PRMT8: variants seen among roughly 807,000 people sequenced by gnomAD.
The protein encoded by PRMT8 is protein arginine methyltransferase 8, also known as protein arginine N-methyltransferase 8.
PRMT8 carries 7 observed loss-of-function variants against 47.1 expected under a neutral mutation model. The observed-to-expected ratio is 0.15, with a 90% CI of 0.08 to 0.28. The LOEUF is 0.28. PRMT8 is among the 10% of genes least tolerant of loss of function. PRMT8 has a pLI of 1.00. For missense variants in PRMT8, 237 were observed against 505.4 expected, an observed-to-expected ratio of 0.47 and a Z score of 5.09; for synonymous variants, 188 against 186.5, an observed-to-expected ratio of 1.01 and a Z score of -0.07.
At chr12:3,434,171 AG>A (rs1864712616) in intron 1 of PRMT8, among the ~76,000 whole-genome samples, 1 of 152,158 alleles carries the variant, frequency 6.6e-6, no homozygotes, top group Non-Finnish European at 1.5e-5. Context: ...TTAACAAGAA[AG>A]CACCACCATT....
At chr12:3,556,966 A>C (rs1591600907) in intron 4 of PRMT8, among the ~76,000 whole-genome samples, 1 of 151,948 alleles carries the variant, frequency 6.6e-6, no homozygotes, top group African/African-American at 2.4e-5. Context: ...GAAGTGGGGG[A>C]AAGTGGGGAG....
At chr12:3,521,599 G>A (rs1327791475) in intron 1 of PRMT8, among the ~76,000 whole-genome samples, 4 of 152,038 alleles carry the variant, frequency 2.6e-5, no homozygotes, top group Non-Finnish European at 5.9e-5. Flanking sequence ...CAAGAATTAC[G>A]GGTGTACGGG....
At chr12:3,398,093 T>G (rs1864279280) in intron 1 of PRMT8, among the ~76,000 whole-genome samples, 1 of 152,156 alleles carries the variant, frequency 6.6e-6, no homozygotes, top group African/African-American at 2.4e-5. Context: ...CCCACTGACC[T>G]GCGCCCACTG....
chr12:3,469,378 GGGGCAGGAGC>G, intron 1 of PRMT8: 1 of 275,276 alleles, frequency 3.6e-6, no homozygotes, highest in Admixed American at 4.7e-5. Context: ...GAAATGCTTA[GGGGCAGGAGC>G]AAAAAGAGCT....
chr12:3,465,945 T>C (rs1479998339), intron 1 of PRMT8, among the ~76,000 whole-genome samples: 2 of 152,132 alleles, frequency 1.3e-5, no homozygotes, highest in African/African-American at 4.8e-5. Context: ...CTACCTAAAA[T>C]GCCCAGAGAG....
intron 5 of PRMT8, 76 bp downstream of exon 5, chr12:3,568,924 A>G: frequency 1.3e-6 from 2 of 1,577,214 alleles, no homozygotes; most frequent in African/African-American, 1.3e-5. Flanking sequence ...GCAGCCTAGG[A>G]GGCATACGAA....
intron 1 of PRMT8, among the ~76,000 whole-genome samples, chr12:3,525,370 C>T (rs530223411): frequency 2.6e-5 from 4 of 152,064 alleles, no homozygotes; most frequent in Admixed American, 1.3e-4. Flanking sequence ...AGTTGCAGGG[C>T]CTTGTGGGTA....
At chr12:3,414,994 T>C (rs1864469957) in intron 1 of PRMT8, among the ~76,000 whole-genome samples, 1 of 152,068 alleles carries the variant, frequency 6.6e-6, no homozygotes, top group African/African-American at 2.4e-5. Context: ...AGTTCCAGGC[T>C]TAAGGGTGGG....
intron 1 of PRMT8, among the ~76,000 whole-genome samples, chr12:3,396,049 G>A (rs946275331): frequency 4.6e-5 from 7 of 151,798 alleles, no homozygotes; most frequent in East Asian, 1.9e-4. Flanking sequence ...GCCTTTTTTC[G>A]TTTTCCATTT....
At chr12:3,531,175 G>A (rs1320272436) in intron 1 of PRMT8, among the ~76,000 whole-genome samples, 1 of 152,154 alleles carries the variant, frequency 6.6e-6, no homozygotes, top group African/African-American at 2.4e-5. Context: ...CAAGGTGAGG[G>A]TAAGAGAGGA....
chr12:3,442,289 T>C (rs1489946123), intron 1 of PRMT8, among the ~76,000 whole-genome samples: 1 of 152,198 alleles, frequency 6.6e-6, no homozygotes, highest in Non-Finnish European at 1.5e-5. Context: ...CTGTTATTTT[T>C]TCTTTTGAAC....
chr12:3,450,889 T>TA (rs1303138159), intron 1 of PRMT8, among the ~76,000 whole-genome samples: 1 of 152,246 alleles, frequency 6.6e-6, no homozygotes, highest in Non-Finnish European at 1.5e-5. Flanking sequence ...CTATGATGAC[T>TA]AGAAACACAA....
rs190035726 is a variant in PRMT8 at position 3,478,962 on chromosome 12, T to C, written c.49-61644T>C. Among the ~76,000 whole-genome samples the C allele has an allele frequency of 7.9e-5, 12 of 152,344 alleles. No homozygotes were observed. In the East Asian group the frequency reaches 2.3e-3, roughly 29 times the overall value. On this transcript the variant is annotated intron_variant, in intron 1 of 9. Coordinates refer to the PRMT8 transcript ENST00000452611. ...AGTTGCTGTTGGAGGCTGTACGTGC[T>C]GCTGTAAGCACCTGGGTAAGCTTCC... is the stretch of plus-strand genomic sequence containing the variant.
chr12:3,583,237 C>T lies in PRMT8; in HGVS notation c.979+29C>T, dbSNP rs59075572. On this transcript the variant is annotated intron_variant, in intron 8 of 9. Coordinates refer to ENST00000382622, the MANE Select transcript of PRMT8 (RefSeq NM_019854.5). The surrounding 1 kb of genome is among the most constrained non-coding windows in gnomAD (Gnocchi z 4.7). ...AGCTGTTTGTTGCTTCCCAGAGCCTCCTCCCTCTCCCATGCTTCCTCAAGT... is the reference window on the plus strand; with the variant it reads ...AGCTGTTTGTTGCTTCCCAGAGCCTTCTCCCTCTCCCATGCTTCCTCAAGT... 3.0e-3 allele frequency: 4,737 copies of T among 1,588,474 alleles called. 118 individuals are homozygous for T. The African/African-American group carries it at 0.057, about 19-fold the overall frequency.
chr12:3,510,759 A>G (rs931241169), intron 1 of PRMT8, among the ~76,000 whole-genome samples: 4 of 152,112 alleles, frequency 2.6e-5, no homozygotes, highest in African/African-American at 4.8e-5. Flanking sequence ...GCTTTGCCTC[A>G]GCGGCAGAAA....
intron 1 of PRMT8, among the ~76,000 whole-genome samples, chr12:3,437,635 T>C (rs1864758744): frequency 6.7e-6 from 1 of 150,352 alleles, no homozygotes; most frequent in African/African-American, 2.5e-5. Context: ...TATATATATA[T>C]ATATATATAT....
At chr12:3,413,757 C>T (rs769365876) in intron 1 of PRMT8, among the ~76,000 whole-genome samples, 3 of 150,902 alleles carry the variant, frequency 2.0e-5, no homozygotes, top group Non-Finnish European at 4.4e-5. Flanking sequence ...TGACTGTATT[C>T]GGGGGAAAAA....
At chr12:3,440,020 G>A (rs1339113742) in intron 1 of PRMT8, among the ~76,000 whole-genome samples, 7 of 152,138 alleles carry the variant, frequency 4.6e-5, no homozygotes, top group Admixed American at 4.6e-4. Flanking sequence ...TACGGGAACT[G>A]GAGCAGGCTG....
intron 1 of PRMT8, among the ~76,000 whole-genome samples, chr12:3,383,113 G>A (rs1219044244): frequency 1.3e-5 from 2 of 152,266 alleles, no homozygotes; most frequent in East Asian, 3.9e-4. Flanking sequence ...AAGTGTAGCT[G>A]TATATTTTGA....
Sources: allele counts gnomAD v4.1 joint callset (sites outside exome capture counted in the v4.1 genomes callset), GRCh38; gene constraint gnomAD v4.1.1; non-coding constraint Gnocchi (gnomAD v3.1); transcripts MANE v1.5; gene names NCBI Gene and HGNC (gene_info 2026-07-23, HGNC 2026-07-21).